The following DNAJC11 variants were observed in gnomAD, a reference collection of about 807,000 sequenced individuals.
DNAJC11 encodes the protein dnaJ homolog subfamily C member 11.
DNAJC11 carries 15 observed loss-of-function variants against 78.6 expected under a neutral mutation model. That is an observed-to-expected ratio of 0.19 (90% CI 0.13 to 0.29). DNAJC11 has a LOEUF of 0.29. Ranked by LOEUF, DNAJC11 falls within the 10% of genes least tolerant of loss-of-function variation. The probability of loss-of-function intolerance (pLI) is 1.00; values close to 1 mark genes in which losing one functional copy is unlikely to be tolerated. For missense variants in DNAJC11, 547 were observed against 709.6 expected (o/e 0.77, Z 2.60); for synonymous variants, 292 against 272.1 (o/e 1.07, Z -0.72).
intron 1 of DNAJC11, among the ~76,000 whole-genome samples, chr1:6,695,465 G>C (rs766758711): frequency 6.6e-6 from 1 of 151,832 alleles, no homozygotes; most frequent in African/African-American, 2.4e-5. Flanking sequence ...AAGTGCTTAA[G>C]CCATTATTAC....
intron 1 of DNAJC11, among the ~76,000 whole-genome samples, chr1:6,691,161 A>G (rs920184342): frequency 5.3e-5 from 8 of 149,608 alleles, no homozygotes; most frequent in African/African-American, 1.5e-4. Flanking sequence ...AGATTACACA[A>G]TTAGTAACAA....
At chr1:6,663,418 A>T (rs1184098964) in intron 4 of DNAJC11, among the ~76,000 whole-genome samples, 1 of 152,220 alleles carries the variant, frequency 6.6e-6, no homozygotes, top group Non-Finnish European at 1.5e-5. Context: ...AAATATGCTC[A>T]AAGTGGCTGC....
chr1:6,664,043 C>T (rs752530570), intron 4 of DNAJC11, among the ~76,000 whole-genome samples: 41 of 152,064 alleles, frequency 2.7e-4, no homozygotes, highest in Non-Finnish European at 5.1e-4. Context: ...TGTGCATGCA[C>T]GTGTTTCATC....
At chr1:6,682,185 A>G (rs952812246) in intron 1 of DNAJC11, among the ~76,000 whole-genome samples, 1 of 150,166 alleles carries the variant, frequency 6.7e-6, no homozygotes, top group Non-Finnish European at 1.5e-5. Context: ...AAAAAAAAAG[A>G]TGACTGTATT....
chr1:6,634,309 C>T lies in DNAJC11; in HGVS notation c.*1366G>A, dbSNP rs1365339136. The T allele has an allele frequency of 2.1e-6, 2 of 957,222 alleles. No homozygotes were observed. Among genetic ancestry groups the T allele is most frequent in the African/African-American group, 3.3e-5 (2 of 60,788 alleles). 59.3% of individuals were successfully genotyped at this position (957,222 alleles called of 1,614,324 possible). A position where few individuals can be genotyped will look rare whatever the true frequency, so the allele number is the denominator to read the frequency against. On this transcript the variant is annotated 3_prime_UTR_variant, in exon 16 of 16. Transcript: ENST00000377577. ...GCCCAGGCTCATGCAACACGACGCTCACCGCGGCTCGGGCCGTGGGGCCGT... is the reference window on the plus strand; with the variant it reads ...GCCCAGGCTCATGCAACACGACGCTTACCGCGGCTCGGGCCGTGGGGCCGT...
chr1:6,681,604 A>G (rs1287075662), intron 1 of DNAJC11, among the ~76,000 whole-genome samples: 5 of 151,838 alleles, frequency 3.3e-5, no homozygotes, highest in Non-Finnish European at 7.4e-5. Flanking sequence ...AAACCCCCAG[A>G]CCCCCTAAAA....
intron 7 of DNAJC11, among the ~76,000 whole-genome samples, chr1:6,649,080 C>A (rs1642012561): frequency 6.6e-6 from 1 of 152,138 alleles, no homozygotes; most frequent in South Asian, 2.1e-4. Context: ...GCAGCCTCAA[C>A]CTCCCGGGTT....
chr1:6,657,769 C>G (rs147501182), intron 4 of DNAJC11, among the ~76,000 whole-genome samples: 2 of 152,096 alleles, frequency 1.3e-5, no homozygotes, highest in Non-Finnish European at 2.9e-5. Context: ...CTCAGCCTCC[C>G]GAGTAGCTGG....
Position 6,651,701 on chromosome 1 carries a change from A to G in DNAJC11, c.631-99T>C, listed in dbSNP as rs541540932. 1.7e-4 allele frequency: 150 copies of G among 868,146 alleles called. No individual in the cohort carries two copies. The African/African-American group carries it at 1.8e-3, about 11-fold the overall frequency. 53.8% of individuals were successfully genotyped at this position (868,146 alleles called of 1,614,324 possible). A position where few individuals can be genotyped will look rare whatever the true frequency, so the allele number is the denominator to read the frequency against. ...CCTCTAGGTATAATTCCTTCATTCA[A>G]TTCACTGGTCTTGCCAGGGCTCTAA... On this transcript the variant is annotated intron_variant, in intron 6 of 15. Coordinates refer to ENST00000377577, the MANE Select transcript of DNAJC11 (RefSeq NM_018198.4).
intron 1 of DNAJC11, 151 bp downstream of exon 1, chr1:6,701,578 G>C (rs1250280083): frequency 4.2e-6 from 3 of 720,782 alleles, no homozygotes; most frequent in Non-Finnish European, 6.1e-6. Context: ...CGCCTCCATC[G>C]GGCGGCTGGC....
At chr1:6,682,737 G>A (rs1208186449) in intron 1 of DNAJC11, among the ~76,000 whole-genome samples, 1 of 152,204 alleles carries the variant, frequency 6.6e-6, no homozygotes, top group African/African-American at 2.4e-5. Flanking sequence ...AGACTAGACT[G>A]GGTAACATGG....
At position 6,645,926 on chromosome 1, in the gene DNAJC11, C is replaced by A. The variant is rs140778277; in HGVS notation, c.757G>T (p.Gly253Cys). 3 of 1,613,988 alleles carry A rather than the reference C, an allele frequency of 1.9e-6. No individual in the cohort carries two copies. The highest frequency in any genetic ancestry group is 2.5e-6 in the Non-Finnish European group (3 of 1,180,034). Residue 253 changes from glycine to cysteine, a missense_variant, in exon 8 of 16, where the codon GGC (glycine) becomes TGC (cysteine). Coordinates refer to ENST00000377577, the MANE Select transcript of DNAJC11 (RefSeq NM_018198.4). The surrounding 1 kb of genome is among the most constrained non-coding windows in gnomAD (Gnocchi z 4.1). ...LQFSSRGIRP[G>C]LTTVLARNLD... ...TTCCGAGCTAGGACAGTGGTCAGGC[C>A]GGGTCGGATTCCACGGGATGAAAAC...
At chr1:6,673,775 T>A (rs1422667182) in intron 3 of DNAJC11, among the ~76,000 whole-genome samples, 1 of 152,250 alleles carries the variant, frequency 6.6e-6, no homozygotes, top group Admixed American at 6.5e-5. Context: ...GAGGTGTCCT[T>A]AGTCTTCTCT....
chr1:6,655,325 T>A (rs1327842852), intron 4 of DNAJC11, among the ~76,000 whole-genome samples: 1 of 152,206 alleles, frequency 6.6e-6, no homozygotes, highest in Non-Finnish European at 1.5e-5. Context: ...AAGAAACCCA[T>A]GGACTAGAAA....
rs766799308 is a variant in DNAJC11 at position 6,637,540 on chromosome 1, G to C, written c.1324-36C>G. 11 of 1,612,880 alleles carry C rather than the reference G, an allele frequency of 6.8e-6. No individual in the cohort carries two copies. The South Asian group carries it at 9.9e-5, about 14-fold the overall frequency. The stretch of plus-strand genomic sequence containing the variant: ...ACAAGGATGACACAGTCAGGGCCCT[G>C]CCAGGCCTGTTCCACCTCTGGTGAG... On this transcript the variant is annotated intron_variant, in intron 12 of 15. Coordinates refer to ENST00000377577, the MANE Select transcript of DNAJC11 (RefSeq NM_018198.4).
rs147570994 is a variant in DNAJC11, at chr1:6,680,698, G to A, written c.202+210C>T. On this transcript the variant is annotated intron_variant, in intron 2 of 15. Transcript: ENST00000377577. This position sits in a 1 kb window ranked among gnomAD's most constrained non-coding sequence, Gnocchi z 4.0. ...TGAGACTCTGTCTATTACCTCGCCC[G>A]GTCTCTCATTTTCTACTTACTGGAC... 4.2e-3 allele frequency among the ~76,000 whole-genome samples: 646 copies of A among 152,156 alleles called. 2 individuals are homozygous for A. The highest frequency in any genetic ancestry group is 0.015 in the African/African-American group (616 of 41,518).
rs189989116 is a variant in DNAJC11, at chr1:6,685,982, C to G, written c.73-4945G>C. On this transcript the variant is annotated intron_variant, in intron 1 of 15. Coordinates refer to ENST00000377577, the MANE Select transcript of DNAJC11 (RefSeq NM_018198.4). ...TTCCTTGACTGTGCTATCGTTGGTT[C>G]TATTTGCGGTGATGTCTGTGTATCT... Among the ~76,000 whole-genome samples the G allele has an allele frequency of 3.9e-5, 6 of 152,300 alleles. No individual in the cohort carries two copies. The East Asian group carries it at 1.2e-3, about 29-fold the overall frequency.
At chr1:6,671,915 A>T (rs1271653085) in intron 3 of DNAJC11, among the ~76,000 whole-genome samples, 1 of 151,822 alleles carries the variant, frequency 6.6e-6, no homozygotes. Flanking sequence ...GCTCACTGCA[A>T]CTTCCGCTTC....
At chr1:6,697,735 TGGAGAG>T (rs1488511737) in intron 1 of DNAJC11, among the ~76,000 whole-genome samples, 1 of 152,168 alleles carries the variant, frequency 6.6e-6, no homozygotes, top group Non-Finnish European at 1.5e-5. Flanking sequence ...GTTTAAATCC[TGGAGAG>T]GGAGATTCTT....
Sources: gnomAD v4.1 joint callset for allele counts (sites outside exome capture counted in the v4.1 genomes callset) on GRCh38, gnomAD v4.1.1 for gene constraint, Gnocchi (gnomAD v3.1) non-coding constraint, MANE v1.5 for transcripts, NCBI Gene and HGNC (gene_info 2026-07-23, HGNC 2026-07-21) for gene names.